Variants in ARB2A observed in about 807,000 individuals in gnomAD.
The protein encoded by ARB2A is ARB2 cotranscriptional regulator A.
the ARB2A span, among the ~76,000 whole-genome samples, chr5:94,064,659 C>T: frequency 1.8e-4 from 28 of 152,264 alleles, no homozygotes; most frequent in South Asian, 4.1e-4. Context: ...CAGAACCTTA[C>T]GGGCCAAGAC....
the ARB2A span, among the ~76,000 whole-genome samples, chr5:93,696,623 A>G: frequency 3.3e-5 from 5 of 152,162 alleles, no homozygotes; most frequent in Admixed American, 3.3e-4. Context: ...ATTCTTGGTA[A>G]TACTTAGATC....
chr5:93,636,051 G>A, the ARB2A span, among the ~76,000 whole-genome samples: 1 of 152,166 alleles, frequency 6.6e-6, no homozygotes, highest in African/African-American at 2.4e-5. Flanking sequence ...AGAAGATAAT[G>A]ACAGTAAAAA....
At chr5:93,692,121 C>T in the ARB2A span, among the ~76,000 whole-genome samples, 6 of 152,092 alleles carry the variant, frequency 3.9e-5, no homozygotes, top group Admixed American at 2.0e-4. Context: ...CATTAACTAA[C>T]GGGCAAAATA....
chr5:93,784,397 C>T, the ARB2A span: 1 of 1,613,176 alleles, frequency 6.2e-7, no homozygotes, highest in Admixed American at 1.7e-5. Flanking sequence ...CTCATCCATT[C>T]TCGAATCGTT....
At chr5:94,049,447 C>T in the ARB2A span, among the ~76,000 whole-genome samples, 1 of 152,118 alleles carries the variant, frequency 6.6e-6, no homozygotes, top group Non-Finnish European at 1.5e-5. Context: ...CCTGTAATCC[C>T]AGTACTCTGG....
chr5:93,985,903 G>A, the ARB2A span, among the ~76,000 whole-genome samples: 1 of 150,270 alleles, frequency 6.7e-6, no homozygotes, highest in African/African-American at 2.5e-5. Flanking sequence ...GATATGAGGA[G>A]CCCCTCTGCC....
chr5:93,903,746 TA>T, the ARB2A span, among the ~76,000 whole-genome samples: 2 of 151,396 alleles, frequency 1.3e-5, no homozygotes, highest in African/African-American at 4.9e-5. Context: ...TGTGTGTGTA[TA>T]GTCCTAGCCA....
At chr5:94,082,441 A>T in the ARB2A span, among the ~76,000 whole-genome samples, 1 of 152,198 alleles carries the variant, frequency 6.6e-6, no homozygotes, top group African/African-American at 2.4e-5. Flanking sequence ...AATGAAGACA[A>T]ACTTGAGCAT....
chr5:93,784,202 A>G, the ARB2A span: 1 of 524,564 alleles, frequency 1.9e-6, no homozygotes, highest in East Asian at 3.2e-5. Context: ...TTTCAAAAAT[A>G]TTAGGTCTTC....
chr5:93,994,373 T>C, the ARB2A span, among the ~76,000 whole-genome samples: 1 of 152,146 alleles, frequency 6.6e-6, no homozygotes, highest in Admixed American at 6.5e-5. Flanking sequence ...AAGACATATA[T>C]GAACCTGGAG....
the ARB2A span, among the ~76,000 whole-genome samples, chr5:93,971,099 C>T: frequency 3.3e-3 from 497 of 151,820 alleles, 3 homozygotes; most frequent in African/African-American, 0.011. Flanking sequence ...CCTGGGTTCA[C>T]GCCATTCTCC....
chr5:93,826,142 T>C, the ARB2A span, among the ~76,000 whole-genome samples: 1 of 152,154 alleles, frequency 6.6e-6, no homozygotes, highest in African/African-American at 2.4e-5. Flanking sequence ...AGCCAAAACC[T>C]GGATAATGTG....
At chr5:93,836,306 C>T in the ARB2A span, among the ~76,000 whole-genome samples, 3 of 152,328 alleles carry the variant, frequency 2.0e-5, no homozygotes, top group East Asian at 1.9e-4. Flanking sequence ...GGATTACAGG[C>T]GTGAGCCACC....
the ARB2A span, among the ~76,000 whole-genome samples, chr5:93,833,726 CAAGTAA>C: frequency 6.6e-6 from 1 of 152,262 alleles, no homozygotes; most frequent in East Asian, 1.9e-4. Flanking sequence ...TTATACTAAA[CAAGTAA>C]ACAACAGGAA....
At chr5:93,705,651 G>GTGTGTGTA in the ARB2A span, among the ~76,000 whole-genome samples, 490 of 132,890 alleles carry the variant, frequency 3.7e-3, 4 homozygotes, top group African/African-American at 0.013. Flanking sequence ...GTGTGTGTGT[G>GTGTGTGTA]TATATATATA....
At chr5:93,827,991 T>C in the ARB2A span, among the ~76,000 whole-genome samples, 2 of 152,268 alleles carry the variant, frequency 1.3e-5, no homozygotes, top group Non-Finnish European at 2.9e-5. Flanking sequence ...TCGGTTACTG[T>C]AGCCTTGTAG....
chr5:93,985,512 G>A, the ARB2A span, among the ~76,000 whole-genome samples: 3 of 151,980 alleles, frequency 2.0e-5, no homozygotes, highest in African/African-American at 7.3e-5. Flanking sequence ...TCCACTCACT[G>A]CAACCTCCCT....
chr5:93,866,613 C>T, the ARB2A span, among the ~76,000 whole-genome samples: 1 of 152,108 alleles, frequency 6.6e-6, no homozygotes. Flanking sequence ...TCTGTATATG[C>T]CGGTTTTGTA....
chr5:93,992,797 C>A, the ARB2A span, among the ~76,000 whole-genome samples: 1 of 151,938 alleles, frequency 6.6e-6, no homozygotes, highest in Admixed American at 6.6e-5. Context: ...TGGACTATAT[C>A]AAAAGAATGG....
Sources: allele counts gnomAD v4.1 joint callset (sites outside exome capture counted in the v4.1 genomes callset), GRCh38; gene constraint gnomAD v4.1.1; transcripts MANE v1.5; gene names NCBI Gene and HGNC (gene_info 2026-07-23, HGNC 2026-07-21).